Variants in DIP2C observed in about 807,000 individuals in gnomAD.
The protein encoded by DIP2C is DIP2 acetate--CoA ligase C (putative), also known as disco-interacting protein 2 homolog C.
DIP2C carries 33 observed loss-of-function variants against 192.4 expected under a neutral mutation model. The ratio of observed to expected loss-of-function variants is 0.17; its 90% CI spans 0.13 to 0.23. DIP2C has a LOEUF of 0.23. Among genes scored for constraint, DIP2C ranks in the 10% least tolerant of loss-of-function variants. The probability of loss-of-function intolerance (pLI) is 1.00; values close to 1 mark genes in which losing one functional copy is unlikely to be tolerated. For synonymous variants in DIP2C, 979 were observed against 864.1 expected (o/e 1.13, Z -2.33); for missense variants, 1,537 against 2,110.1 (o/e 0.73, Z 5.32).
In DIP2C at chr10:651,485, C is replaced by T. The variant is rs892517474; in HGVS notation, c.85+38009G>A. On this transcript the variant is annotated intron_variant, in intron 1 of 36. Transcript: ENST00000280886. The surrounding 1 kb of genome is among the most constrained non-coding windows in gnomAD (Gnocchi z 4.1). ...TAGTAGAATGTATGAGTAACAATTA[C>T]AATTATATGAAAATCCGTATCCACG... 7 of 604,060 alleles carry T rather than the reference C, an allele frequency of 1.2e-5. No homozygotes were observed. The highest frequency in any genetic ancestry group is 1.1e-4 in the African/African-American group (6 of 54,658). 37.4% of individuals were successfully genotyped at this position (604,060 alleles called of 1,614,324 possible). A position where few individuals can be genotyped will look rare whatever the true frequency, so the allele number is the denominator to read the frequency against.
intron 1 of DIP2C, chr10:650,221 GCTGTTCC>G (rs762748363): frequency 7.7e-5 from 55 of 717,194 alleles, no homozygotes; most frequent in Non-Finnish European, 2.9e-5. Flanking sequence ...CACGGGGAGG[GCTGTTCC>G]CTGTTCCCTT....
intron 1 of DIP2C, among the ~76,000 whole-genome samples, chr10:588,390 GTC>G (rs1851208913): frequency 6.6e-6 from 1 of 152,244 alleles, no homozygotes; most frequent in African/African-American, 2.4e-5. Context: ...GTCATCAACT[GTC>G]TTGTTAAATT....
intron 29 of DIP2C, among the ~76,000 whole-genome samples, chr10:337,772 T>G (rs1564576894): frequency 1.8e-5 from 2 of 110,214 alleles, no homozygotes; most frequent in East Asian, 3.0e-4. Context: ...GTGTGTTCTG[T>G]GAAGGCCTAG....
At chr10:317,453 G>T (rs1017642432) in intron 31 of DIP2C, among the ~76,000 whole-genome samples, 1 of 152,252 alleles carries the variant, frequency 6.6e-6, no homozygotes, top group Non-Finnish European at 1.5e-5. Flanking sequence ...GAGAGAGGGC[G>T]TGGGAAGGCT....
intron 31 of DIP2C, chr10:311,648 A>G: frequency 8.9e-7 from 1 of 1,127,186 alleles, no homozygotes; most frequent in Non-Finnish European, 1.1e-6. Context: ...ACACACAGAC[A>G]CATACGACCC....
At chr10:572,083 C>T (rs543661285) in intron 1 of DIP2C, among the ~76,000 whole-genome samples, 53 of 152,356 alleles carry the variant, frequency 3.5e-4, no homozygotes, top group African/African-American at 1.1e-3. Flanking sequence ...AGACCCTTCT[C>T]GGGATTGAGT....
chr10:283,257 A>G lies in DIP2C; in HGVS notation c.4294+15T>C. ...GCCCATCTGTTGGGGGGGGGCCGCC[A>G]GCCTGGACTCTCACCTCCATTTGCA... is the stretch of plus-strand genomic sequence containing the variant. On this transcript the variant is annotated intron_variant, in intron 35 of 36. Transcript: ENST00000280886. 5 of 1,612,436 alleles carry G rather than the reference A, an allele frequency of 3.1e-6. No homozygotes were observed. The highest frequency in any genetic ancestry group is 4.2e-6 in the Non-Finnish European group (5 of 1,179,186).
intron 1 of DIP2C, chr10:650,282 C>T (rs773113379): frequency 8.4e-6 from 6 of 716,612 alleles, no homozygotes; most frequent in East Asian, 2.7e-5. Context: ...GCACTGGATG[C>T]GATTTCAGGG....
intron 1 of DIP2C, among the ~76,000 whole-genome samples, chr10:531,331 G>A (rs1202350463): frequency 1.3e-5 from 2 of 151,906 alleles, no homozygotes; most frequent in South Asian, 2.1e-4. Flanking sequence ...ACAAACTCCC[G>A]TGTGTTTAAA....
At chr10:618,965 C>G (rs758572759) in intron 1 of DIP2C, among the ~76,000 whole-genome samples, 20 of 152,220 alleles carry the variant, frequency 1.3e-4, no homozygotes, top group Non-Finnish European at 2.6e-4. Flanking sequence ...ATTCTTCTTT[C>G]CAGCTGAGGC....
At chr10:417,135 T>C (rs571814291) in intron 6 of DIP2C, among the ~76,000 whole-genome samples, 2 of 152,288 alleles carry the variant, frequency 1.3e-5, no homozygotes, top group South Asian at 4.2e-4. Context: ...CCAACTAATT[T>C]GGTTCAGATG....
intron 1 of DIP2C, among the ~76,000 whole-genome samples, chr10:600,979 AG>A (rs1852036368): frequency 6.6e-6 from 1 of 152,316 alleles, no homozygotes; most frequent in South Asian, 2.1e-4. Flanking sequence ...ACACATGGGT[AG>A]CCAGCCTTGC....
intron 10 of DIP2C, among the ~76,000 whole-genome samples, chr10:394,739 T>A (rs1963828386): frequency 6.9e-6 from 1 of 144,742 alleles, no homozygotes; most frequent in South Asian, 2.2e-4. Context: ...TATTCAGCCT[T>A]CAGGGAGGAG....
chr10:349,754 TAAAAAACGGTAGAAC>T (rs1264293990), intron 24 of DIP2C, among the ~76,000 whole-genome samples: 2 of 152,188 alleles, frequency 1.3e-5, no homozygotes, highest in Non-Finnish European at 2.9e-5. Context: ...TTACGTGAAT[TAAAAAACGGTAGAAC>T]AAAAAACCCT....
At position 341,471 on chromosome 10, in the gene DIP2C, C is replaced by T. The variant is rs571144113; in HGVS notation, c.3454-142G>A. 1.7e-5 allele frequency: 21 copies of T among 1,253,186 alleles called. No individual in the cohort carries two copies. In the African/African-American group the frequency reaches 3.0e-4, roughly 18 times the overall value. 77.6% of individuals were successfully genotyped at this position (1,253,186 alleles called of 1,614,324 possible). On this transcript the variant is annotated intron_variant, in intron 28 of 36. Transcript: ENST00000280886. ...AGACACCCGGGACAATACGGGGCTG[C>T]ACTGAACGCAAGGCTGTTTTGAACG...
At chr10:618,670 ACTC>A (rs1853635559) in intron 1 of DIP2C, among the ~76,000 whole-genome samples, 1 of 152,210 alleles carries the variant, frequency 6.6e-6, no homozygotes, top group South Asian at 2.1e-4. Context: ...AAAGACTATC[ACTC>A]AGCTACAGCC....
chr10:390,511 A>G, intron 11 of DIP2C, 138 bp from the exon 12 acceptor site: 1 of 1,062,658 alleles, frequency 9.4e-7, no homozygotes, highest in Non-Finnish European at 1.4e-6. Context: ...ACGAGATCTA[A>G]GACATCAACA....
At chr10:669,711 A>C (rs1857325478) in intron 1 of DIP2C, 1 of 152,224 alleles carries the variant, frequency 6.6e-6, no homozygotes, top group Non-Finnish European at 1.5e-5. Flanking sequence ...CTAGGGTAAG[A>C]CCGAGTGGTT....
chr10:405,675 T>TC, intron 9 of DIP2C, among the ~76,000 whole-genome samples: 2 of 152,332 alleles, frequency 1.3e-5, no homozygotes, highest in African/African-American at 4.8e-5. Flanking sequence ...CCACATGGCT[T>TC]CCCTCCGTTC....
Sources: allele counts gnomAD v4.1 joint callset (sites outside exome capture counted in the v4.1 genomes callset), GRCh38; gene constraint gnomAD v4.1.1; non-coding constraint Gnocchi (gnomAD v3.1); transcripts MANE v1.5; gene names NCBI Gene and HGNC (gene_info 2026-07-23, HGNC 2026-07-21).